The following ZFYVE9 variants were observed in gnomAD, a reference collection of about 807,000 sequenced individuals.
ZFYVE9 encodes zinc finger FYVE domain-containing protein 9.
ZFYVE9 carries 43 observed loss-of-function variants against 126.7 expected under a neutral mutation model. The observed-to-expected ratio is 0.34, with a 90% CI of 0.27 to 0.44. The LOEUF (loss-of-function observed/expected upper bound fraction) is 0.44. Ranked by LOEUF, ZFYVE9 falls within the 20% of genes least tolerant of loss-of-function variation. ZFYVE9 has a pLI of 1.00. For synonymous variants in ZFYVE9, 521 were observed against 597.4 expected (o/e 0.87, Z 1.87); for missense variants, 1,476 against 1,697.0 (o/e 0.87, Z 2.29).
At chr1:52,206,298 G>A (rs1381021450) in intron 1 of ZFYVE9, among the ~76,000 whole-genome samples, 1 of 152,178 alleles carries the variant, frequency 6.6e-6, no homozygotes, top group Non-Finnish European at 1.5e-5. Context: ...GGTTTTCCCT[G>A]AATATGGCGT....
At chr1:52,146,554 A>G (rs913274338) in intron 1 of ZFYVE9, among the ~76,000 whole-genome samples, 18 of 152,276 alleles carry the variant, frequency 1.2e-4, no homozygotes, top group Admixed American at 7.2e-4. Context: ...TGCAACTGAT[A>G]ATAGTCACCT....
chr1:52,178,474 G>T (rs1397658286), intron 1 of ZFYVE9, among the ~76,000 whole-genome samples: 1 of 151,728 alleles, frequency 6.6e-6, no homozygotes, highest in African/African-American at 2.4e-5. Flanking sequence ...TAGGACCCAG[G>T]CACCCACCAC....
chr1:52,252,263 C>T, intron 4 of ZFYVE9: 1 of 156,492 alleles, frequency 6.4e-6, no homozygotes, highest in Non-Finnish European at 1.4e-5. Context: ...TCTGTAATAG[C>T]CACCACTGAA....
chr1:52,290,378 A>T (rs1228896088), intron 10 of ZFYVE9, among the ~76,000 whole-genome samples: 1 of 152,180 alleles, frequency 6.6e-6, no homozygotes, highest in Non-Finnish European at 1.5e-5. Flanking sequence ...TTTCCAACAC[A>T]TGCTTTTTGA....
intron 2 of ZFYVE9, among the ~76,000 whole-genome samples, chr1:52,226,762 C>G (rs190270821): frequency 1.3e-5 from 2 of 152,204 alleles, no homozygotes; most frequent in South Asian, 2.1e-4. Flanking sequence ...TCCGGAAAGG[C>G]GGGACAATTC....
intron 8 of ZFYVE9, among the ~76,000 whole-genome samples, chr1:52,274,909 C>T (rs1377965092): frequency 6.6e-6 from 1 of 152,078 alleles, no homozygotes; most frequent in East Asian, 1.9e-4. Context: ...CACTCTGATA[C>T]AGTCATTTAT....
At chr1:52,295,705 C>CAGAATAATA (rs1205701743) in intron 11 of ZFYVE9, among the ~76,000 whole-genome samples, 190 bp from the exon 12 acceptor site, 1 of 152,106 alleles carries the variant, frequency 6.6e-6, no homozygotes, top group Non-Finnish European at 1.5e-5. Flanking sequence ...AAGGCTTATT[C>CAGAATAATA]TGGTTATCAG....
At chr1:52,267,161 G>C (rs938507281) in intron 6 of ZFYVE9, among the ~76,000 whole-genome samples, 18 of 152,270 alleles carry the variant, frequency 1.2e-4, no homozygotes, top group Non-Finnish European at 2.4e-4. Context: ...CCTCATGCCT[G>C]TCTTAATGTT....
At chr1:52,331,788 A>G (rs139278866) in intron 13 of ZFYVE9, among the ~76,000 whole-genome samples, 4 of 109,838 alleles carry the variant, frequency 3.6e-5, no homozygotes, top group Admixed American at 3.6e-4. Flanking sequence ...TTTTTTTTTT[A>G]TTTTTTTTTG....
intron 4 of ZFYVE9, among the ~76,000 whole-genome samples, chr1:52,261,151 A>G (rs1383633163): frequency 6.6e-6 from 1 of 151,272 alleles, no homozygotes; most frequent in African/African-American, 2.4e-5. Flanking sequence ...AGATTACATG[A>G]TCTTATTTCA....
At chr1:52,220,672 G>A (rs2124602863) in intron 2 of ZFYVE9, among the ~76,000 whole-genome samples, 1 of 152,274 alleles carries the variant, frequency 6.6e-6, no homozygotes, top group South Asian at 2.1e-4. Flanking sequence ...GTTCCTGGAT[G>A]AAGCTGTGAC....
intron 14 of ZFYVE9, among the ~76,000 whole-genome samples, chr1:52,334,261 T>C (rs931180244): frequency 6.6e-6 from 1 of 152,192 alleles, no homozygotes; most frequent in African/African-American, 2.4e-5. Flanking sequence ...AAGCTGTGGT[T>C]TTTGTCAACA....
At chr1:52,176,482 C>G (rs1284777826) in intron 1 of ZFYVE9, among the ~76,000 whole-genome samples, 2 of 152,236 alleles carry the variant, frequency 1.3e-5, no homozygotes, top group East Asian at 3.8e-4. Context: ...ATTCTCAGAT[C>G]TCCACCTGTG....
At chr1:52,158,870 G>C (rs1167626559) in intron 1 of ZFYVE9, among the ~76,000 whole-genome samples, 1 of 150,538 alleles carries the variant, frequency 6.6e-6, no homozygotes, top group Non-Finnish European at 1.5e-5. Flanking sequence ...TTGGCTCACT[G>C]TAAGCTCCGC....
At chr1:52,263,189 G>A (rs1645597389) in intron 4 of ZFYVE9, among the ~76,000 whole-genome samples, 2 of 152,108 alleles carry the variant, frequency 1.3e-5, no homozygotes, top group South Asian at 4.1e-4. Flanking sequence ...AGCCCAGAAG[G>A]TGGAAATTGG....
intron 1 of ZFYVE9, among the ~76,000 whole-genome samples, chr1:52,205,812 C>T (rs1644973163): frequency 6.6e-6 from 1 of 152,166 alleles, no homozygotes; most frequent in Admixed American, 6.6e-5. Context: ...TGTTGTTACT[C>T]TTGGTTCACA....
chr1:52,157,868 C>T (rs1436609879), intron 1 of ZFYVE9, among the ~76,000 whole-genome samples: 1 of 152,148 alleles, frequency 6.6e-6, no homozygotes, highest in Non-Finnish European at 1.5e-5. Context: ...TAGAGGAGCG[C>T]CACCACTGAA....
intron 1 of ZFYVE9, among the ~76,000 whole-genome samples, chr1:52,202,336 G>A (rs1336558923): frequency 6.6e-6 from 1 of 151,968 alleles, no homozygotes; most frequent in African/African-American, 2.4e-5. Flanking sequence ...CTGGAGTGCA[G>A]TGGCCTGATC....
intron 4 of ZFYVE9, among the ~76,000 whole-genome samples, chr1:52,256,052 TC>T (rs1331828011): frequency 1.3e-5 from 2 of 149,570 alleles, no homozygotes; most frequent in African/African-American, 5.0e-5. Context: ...TTTCTCTCTC[TC>T]TCTCTCTCTC....
Sources: gnomAD v4.1 joint callset for allele counts (sites outside exome capture counted in the v4.1 genomes callset) on GRCh38, gnomAD v4.1.1 for gene constraint, MANE v1.5 for transcripts, NCBI Gene and HGNC (gene_info 2026-07-23, HGNC 2026-07-21) for gene names.